Variants in ATP2B1 observed in about 807,000 individuals in gnomAD.
ATP2B1 encodes plasma membrane calcium-transporting ATPase 1.
A neutral mutation model predicts 124.2 loss-of-function variants in ATP2B1; 14 were observed. That is an observed-to-expected ratio of 0.11 (90% CI 0.07 to 0.18). ATP2B1 has a LOEUF of 0.18. Ranked by LOEUF, ATP2B1 falls within the 10% of genes least tolerant of loss-of-function variation. The pLI, the probability that ATP2B1 is intolerant of heterozygous loss-of-function variation, is 1.00. For synonymous variants in ATP2B1, 449 were observed against 492.4 expected, an observed-to-expected ratio of 0.91 and a Z score of 1.17; for missense variants, 763 against 1,466.1, an observed-to-expected ratio of 0.52 and a Z score of 7.83.
In ATP2B1 at chr12:89,603,671, G is replaced by T. The variant is rs1219494706; in HGVS notation, c.2848+41C>A. On this transcript the variant is annotated intron_variant, in intron 17 of 20. Coordinates refer to ENST00000428670, the MANE Select transcript of ATP2B1 (RefSeq NM_001366521.1). The surrounding 1 kb of genome is among the most constrained non-coding windows in gnomAD (Gnocchi z 4.3). ...CATCTTGGATGATTAGCTTGGAAAAGAAACAATTAACTGAAGCTTTATTAG... is the reference window on the plus strand; with the variant it reads ...CATCTTGGATGATTAGCTTGGAAAATAAACAATTAACTGAAGCTTTATTAG... 1.3e-6 allele frequency: 2 copies of T among 1,579,770 alleles called. No individual in the cohort carries two copies. The highest frequency in any genetic ancestry group is 1.7e-6 in the Non-Finnish European group (2 of 1,150,184).
chr12:89,654,230 A>G (rs746901702), intron 2 of ATP2B1, among the ~76,000 whole-genome samples: 9 of 152,184 alleles, frequency 5.9e-5, no homozygotes, highest in Non-Finnish European at 1.3e-4. Context: ...ACTCTTAGTT[A>G]TACCTTAAGT....
intron 10 of ATP2B1, among the ~76,000 whole-genome samples, chr12:89,620,883 T>C (rs145568633): frequency 1.7e-3 from 265 of 152,306 alleles, no homozygotes; most frequent in African/African-American, 6.1e-3. Flanking sequence ...CTTTCCAATG[T>C]AATCATCCAA....
intron 1 of ATP2B1, among the ~76,000 whole-genome samples, chr12:89,657,561 A>C (rs535974299): frequency 3.8e-4 from 58 of 152,336 alleles, no homozygotes; most frequent in Admixed American, 2.0e-3. Flanking sequence ...AAATGCAATA[A>C]ATCTTCAGCT....
intron 2 of ATP2B1, among the ~76,000 whole-genome samples, chr12:89,653,463 A>T (rs1885550011): frequency 6.7e-6 from 1 of 148,184 alleles, no homozygotes; most frequent in Non-Finnish European, 1.5e-5. Context: ...CGCCCGGCTA[A>T]TTTTTTTGTA....
chr12:89,626,609 G>C lies in ATP2B1; in HGVS notation c.974C>G (p.Ala325Gly). 6.3e-7 allele frequency: 1 copy of C among 1,593,790 alleles called. No homozygotes were observed. The highest frequency in any genetic ancestry group is 8.5e-7 in the Non-Finnish European group (1 of 1,174,530). Reference sequence around the variant, plus strand: ...CATTTCCATGGCTGCACCATCCTGGGCTTTTGCTACATTTAAGAGCAAATA... The same window carrying C: ...CATTTCCATGGCTGCACCATCCTGGCCTTTTGCTACATTTAAGAGCAAATA... ...GAIENRNKAK[A>G]QDGAAMEMQP... Residue 325 changes from alanine (A) to glycine (G), a missense_variant, in exon 8 of 21, where the codon GCC (alanine) becomes GGC (glycine). Transcript: ENST00000428670.
At chr12:89,651,361 C>T (rs1164673664) in intron 2 of ATP2B1, among the ~76,000 whole-genome samples, 1 of 150,764 alleles carries the variant, frequency 6.6e-6, no homozygotes, top group Non-Finnish European at 1.5e-5. Context: ...GATCCTCCCA[C>T]ACTCAAGCGA....
intron 8 of ATP2B1, among the ~76,000 whole-genome samples, chr12:89,624,840 TAATA>T (rs1348884050): frequency 6.6e-6 from 1 of 152,222 alleles, no homozygotes; most frequent in Non-Finnish European, 1.5e-5. Context: ...AATAACATTA[TAATA>T]AATAAAATTA....
intron 1 of ATP2B1, among the ~76,000 whole-genome samples, chr12:89,706,471 C>T (rs985018815): frequency 2.0e-5 from 3 of 151,978 alleles, no homozygotes; most frequent in Non-Finnish European, 4.4e-5. Flanking sequence ...TTAAAAGCAG[C>T]TATTACTTTC....
intron 1 of ATP2B1, among the ~76,000 whole-genome samples, chr12:89,682,754 T>C (rs1255524801): frequency 2.0e-5 from 3 of 152,222 alleles, no homozygotes; most frequent in East Asian, 1.9e-4. Flanking sequence ...GAAGAAAACA[T>C]AGGTGAACCA....
intron 19 of ATP2B1, among the ~76,000 whole-genome samples, chr12:89,600,963 T>A (rs1875711202): frequency 6.6e-6 from 1 of 152,158 alleles, no homozygotes; most frequent in Admixed American, 6.5e-5. Flanking sequence ...ATTTTTTACA[T>A]TGTTGTAAAA....
chr12:89,634,516 A>G (rs1042284294), intron 5 of ATP2B1, among the ~76,000 whole-genome samples: 16 of 152,206 alleles, frequency 1.1e-4, no homozygotes, highest in Admixed American at 6.5e-5. Context: ...TTTTATCATT[A>G]CACTAGCATG....
At chr12:89,624,038 A>G (rs1880436538) in intron 9 of ATP2B1, 145 bp downstream of exon 9, 2 of 726,342 alleles carry the variant, frequency 2.8e-6, no homozygotes, top group African/African-American at 1.8e-5. Context: ...ACAGGGCATC[A>G]ATGACAACAT....
chr12:89,692,528 A>G (rs1890669613), intron 1 of ATP2B1, among the ~76,000 whole-genome samples: 1 of 152,200 alleles, frequency 6.6e-6, no homozygotes, highest in Non-Finnish European at 1.5e-5. Flanking sequence ...TCAGCAGATC[A>G]GAGAAATGAA....
intron 12 of ATP2B1, chr12:89,612,256 T>A (rs542388011): frequency 6.6e-6 from 1 of 152,004 alleles, no homozygotes; most frequent in South Asian, 2.1e-4. Context: ...AACCACAAAG[T>A]TCTCAGTATA....
Position 89,620,240 on chromosome 12 carries a change from G to T in ATP2B1, c.1588C>A (p.Pro530Thr), listed in dbSNP as rs1204707077. 6.2e-7 allele frequency: 1 copy of T among 1,612,900 alleles called. No homozygotes were observed. Among genetic ancestry groups the T allele is most frequent in the Non-Finnish European group, 8.5e-7 (1 of 1,179,154 alleles). ...GGTAATCCACCCTCTTTCTCTGGTG[G>T]CTATAAGAGAAAAACATTTAGTAGC... The part of the protein sequence containing the change: ...VNCAYTSKIL[P>T]PEKEGGLPRH... Residue 530 changes from proline to threonine, a missense_variant and splice_region_variant, in exon 11 of 21, where the codon CCA (proline) becomes ACA (threonine). Transcript: ENST00000428670.
At chr12:89,673,004 T>A (rs555811507) in intron 1 of ATP2B1, among the ~76,000 whole-genome samples, 1 of 152,340 alleles carries the variant, frequency 6.6e-6, no homozygotes, top group South Asian at 2.1e-4. Context: ...GCTTCATTTA[T>A]CTTTCATCTC....
chr12:89,626,738 T>G (rs1221878678), intron 7 of ATP2B1, 123 bp from the exon 8 acceptor site: 1 of 1,077,946 alleles, frequency 9.3e-7, no homozygotes, highest in African/African-American at 1.6e-5. Flanking sequence ...CATTCAGCTT[T>G]GTGAGTGTGT....
chr12:89,678,431 G>A (rs1482563663), intron 1 of ATP2B1, among the ~76,000 whole-genome samples: 2 of 152,082 alleles, frequency 1.3e-5, no homozygotes, highest in African/African-American at 2.4e-5. Flanking sequence ...TCAACACTAT[G>A]CTGTTATTCA....
intron 1 of ATP2B1, among the ~76,000 whole-genome samples, chr12:89,701,059 T>C (rs536816891): frequency 1.5e-4 from 23 of 152,350 alleles, no homozygotes; most frequent in African/African-American, 5.5e-4. Context: ...AAATACAGGC[T>C]TTCCTTCTTG....
Sources: gnomAD v4.1 joint callset for allele counts (sites outside exome capture counted in the v4.1 genomes callset) on GRCh38, gnomAD v4.1.1 for gene constraint, Gnocchi (gnomAD v3.1) non-coding constraint, MANE v1.5 for transcripts, NCBI Gene and HGNC (gene_info 2026-07-23, HGNC 2026-07-21) for gene names.